PKHD1: variants seen among roughly 807,000 people sequenced by gnomAD.
The protein encoded by PKHD1 is PKHD1 ciliary IPT domain containing fibrocystin/polyductin, also known as fibrocystin.
A neutral mutation model predicts 412.0 loss-of-function variants in PKHD1; 291 were observed. The observed-to-expected ratio is 0.71, with a 90% CI of 0.64 to 0.78. PKHD1 has a LOEUF of 0.78. PKHD1 is among the 30% of genes least tolerant of loss of function. The pLI, the probability that PKHD1 is intolerant of heterozygous loss-of-function variation, is 0.00. For synonymous variants in PKHD1, 1,777 were observed against 1,821.5 expected (o/e 0.98, Z 0.62); for missense variants, 4,825 against 4,950.7 (o/e 0.97, Z 0.76).
rs1286731668 is a variant in PKHD1, at chr6:51,748,473, C to T, written c.9143G>A (p.Gly3048Asp). ...CTGACCCTCTAAATCTATGCCATGGCCAGCTGTGCCAAACACAATATTGTC... is the reference window on the plus strand; with the variant it reads ...CTGACCCTCTAAATCTATGCCATGGTCAGCTGTGCCAAACACAATATTGTC... ...LNDNIVFGTA[G>D]HGIDLEGQAY... is the part of the protein sequence containing the mutation. Residue 3048 changes from glycine to aspartate, a missense_variant, in exon 58 of 67, where the codon GGC becomes GAC. Physicochemically the swap from Gly to Asp is moderately conservative, Grantham distance 94 (BLOSUM62 -1). Transcript: ENST00000371117. The T allele has an allele frequency of 6.2e-7, 1 of 1,613,778 alleles. No homozygotes were observed. Among genetic ancestry groups the T allele is most frequent in the African/African-American group, 1.3e-5 (1 of 74,910 alleles).
chr6:51,881,631 T>G (rs1439112273), intron 46 of PKHD1, among the ~76,000 whole-genome samples: 1 of 152,206 alleles, frequency 6.6e-6, no homozygotes, highest in Non-Finnish European at 1.5e-5. Context: ...TTGAAGAATA[T>G]TTGACCAGGA....
intron 35 of PKHD1, among the ~76,000 whole-genome samples, chr6:51,995,211 A>G (rs1797586935): frequency 6.6e-6 from 1 of 152,124 alleles, no homozygotes; most frequent in South Asian, 2.1e-4. Context: ...ATGTTTTAGA[A>G]CTCACCTTAC....
At chr6:51,881,691 T>G (rs1777395837) in intron 46 of PKHD1, among the ~76,000 whole-genome samples, 1 of 152,202 alleles carries the variant, frequency 6.6e-6, no homozygotes, top group Admixed American at 6.5e-5. Context: ...GGCATGAACC[T>G]TAAACTGCCA....
At chr6:51,716,134 ATTGTAC>A in intron 60 of PKHD1, among the ~76,000 whole-genome samples, 1 of 152,376 alleles carries the variant, frequency 6.6e-6, no homozygotes, top group African/African-American at 2.4e-5. Context: ...TTGAAAGAAA[ATTGTAC>A]TTGTAGTGTT....
chr6:51,672,162 T>C (rs1037564790), intron 60 of PKHD1, among the ~76,000 whole-genome samples: 15 of 152,322 alleles, frequency 9.8e-5, no homozygotes, highest in African/African-American at 3.4e-4. Flanking sequence ...ACCTAGGGTC[T>C]GGCTTCTGTG....
chr6:52,001,125 A>T (rs1798331256), intron 35 of PKHD1, among the ~76,000 whole-genome samples: 1 of 152,206 alleles, frequency 6.6e-6, no homozygotes, highest in Non-Finnish European at 1.5e-5. Context: ...CATTCATATG[A>T]TTCTAAATAC....
chr6:51,811,782 A>G (rs1391243635), intron 52 of PKHD1, among the ~76,000 whole-genome samples: 2 of 152,194 alleles, frequency 1.3e-5, no homozygotes, highest in Non-Finnish European at 2.9e-5. Flanking sequence ...GTTATTCATT[A>G]TATAAATAAA....
chr6:51,940,406 C>T (rs1356752646), intron 36 of PKHD1, among the ~76,000 whole-genome samples: 3 of 151,644 alleles, frequency 2.0e-5, no homozygotes, highest in Non-Finnish European at 4.4e-5. Context: ...ATGCCTGAAC[C>T]GCAGCTGTCA....
rs576262620 is a variant in PKHD1, at chr6:51,923,381, T to C, written c.6121+10729A>G. On this transcript the variant is annotated intron_variant, in intron 37 of 66. Transcript: ENST00000371117. ...TTGCCCTTATAGTGCAAAGCAGCCA[T>C]AGATAATACCTACACAAATGGGTGT... Among the ~76,000 whole-genome samples, 5 of 152,144 alleles carry C rather than the reference T, an allele frequency of 3.3e-5. No homozygotes were observed. In the East Asian group the frequency reaches 5.8e-4, roughly 18 times the overall value.
Position 52,017,472 on chromosome 6 carries a change from G to A in PKHD1, c.5538C>T (p.Cys1846=), listed in dbSNP as rs373244595. ...YLYICEESSQ[C]LFVPDHWAES... is the part of the protein sequence containing the mutation. ...CTGCCCAATGATCTGGCACAAAGAG[G>A]CATTGGGAACTTTCCTCGCAAATGT... Residue 1846 remains cysteine, a synonymous_variant, in exon 34 of 67, where the codon TGC becomes TGT. Transcript: ENST00000371117. 57 of 1,613,916 alleles carry A rather than the reference G, an allele frequency of 3.5e-5. No homozygotes were observed. Among genetic ancestry groups the A allele is most frequent in the Non-Finnish European group, 4.8e-5 (57 of 1,179,890 alleles).
intron 35 of PKHD1, among the ~76,000 whole-genome samples, chr6:51,971,224 T>C (rs1793623768): frequency 6.6e-6 from 1 of 152,192 alleles, no homozygotes; most frequent in South Asian, 2.1e-4. Context: ...ATCGGCATTG[T>C]TTTAGGCCAC....
At chr6:51,785,569 C>A (rs183602159) in intron 53 of PKHD1, among the ~76,000 whole-genome samples, 1 of 152,194 alleles carries the variant, frequency 6.6e-6, no homozygotes, top group Admixed American at 6.5e-5. Flanking sequence ...ATAAGATGGC[C>A]AATTTTCTTT....
chr6:51,869,964 C>A (rs1263437775), intron 47 of PKHD1, among the ~76,000 whole-genome samples: 4 of 152,074 alleles, frequency 2.6e-5, no homozygotes, highest in African/African-American at 9.7e-5. Context: ...CATGAGTCCT[C>A]CAAGTTATTT....
Position 52,070,559 on chromosome 6 carries a change from G to A in PKHD1, c.668-114C>T, listed in dbSNP as rs959626916. On this transcript the variant is annotated intron_variant, in intron 9 of 66. Transcript: ENST00000371117. ...TATCATCAAATTACCACCCAAACCTGTAATTTCTTTAGTGGTTCCCCCCCG... is the reference window on the plus strand; with the variant it reads ...TATCATCAAATTACCACCCAAACCTATAATTTCTTTAGTGGTTCCCCCCCG... 5.3e-6 allele frequency: 4 copies of A among 758,170 alleles called. No individual in the cohort carries two copies. In the African/African-American group the frequency reaches 7.0e-5, roughly 13 times the overall value. The allele number at this position is 758,170 out of a possible 1,614,324, so 47.0% of individuals were successfully genotyped here.
At chr6:51,672,073 G>A (rs1775090399) in intron 60 of PKHD1, among the ~76,000 whole-genome samples, 1 of 152,072 alleles carries the variant, frequency 6.6e-6, no homozygotes, top group Non-Finnish European at 1.5e-5. Flanking sequence ...AGCTTTTATT[G>A]GACTGTTACC....
intron 55 of PKHD1, among the ~76,000 whole-genome samples, chr6:51,764,892 A>C (rs537703152): frequency 1.3e-5 from 2 of 152,050 alleles, no homozygotes; most frequent in Admixed American, 6.6e-5. Context: ...TCAATATCTA[A>C]AAAGTTAGAA....
Position 52,083,260 on chromosome 6 carries a change from A to T in PKHD1, c.53-5T>A, listed in dbSNP as rs760842585. On this transcript the variant is annotated splice_polypyrimidine_tract_variant and splice_region_variant and intron_variant, in intron 2 of 66. Coordinates refer to ENST00000371117, the MANE Select transcript of PKHD1 (RefSeq NM_138694.4). ...TATGTAAACTCAGGTGACGTACTGTAAGTAAGTGAAAAAAAACATTGGTTT... is the reference window on the plus strand; with the variant it reads ...TATGTAAACTCAGGTGACGTACTGTTAGTAAGTGAAAAAAAACATTGGTTT... 27 of 1,585,928 alleles carry T rather than the reference A, an allele frequency of 1.7e-5. No homozygotes were observed. In the South Asian group the frequency reaches 3.0e-4, roughly 18 times the overall value.
chr6:51,943,478 T>A (rs920732056), intron 36 of PKHD1, among the ~76,000 whole-genome samples: 2 of 151,520 alleles, frequency 1.3e-5, no homozygotes, highest in African/African-American at 4.8e-5. Context: ...ATAAATGCCC[T>A]GCTCTTGTTT....
chr6:51,682,365 T>A, intron 60 of PKHD1: 4 of 354,844 alleles, frequency 1.1e-5, no homozygotes, highest in South Asian at 9.0e-5. Context: ...TAAAGCTCTT[T>A]GTAAAACTAG....
Sources: gnomAD v4.1 joint callset for allele counts (sites outside exome capture counted in the v4.1 genomes callset) on GRCh38, gnomAD v4.1.1 for gene constraint, MANE v1.5 for transcripts, NCBI Gene and HGNC (gene_info 2026-07-23, HGNC 2026-07-21) for gene names.